TCF25: variants seen among roughly 807,000 people sequenced by gnomAD.
The protein encoded by TCF25 is TCF25 ribosome quality control complex subunit, also known as ribosome quality control complex subunit TCF25.
Under a neutral mutation model 83.1 loss-of-function variants are expected in TCF25, and 41 were observed. The ratio of observed to expected loss-of-function variants is 0.49; its 90% confidence interval spans 0.38 to 0.64. The LOEUF (loss-of-function observed/expected upper bound fraction) is 0.64. Among genes scored for constraint, TCF25 ranks in the 30% least tolerant of loss-of-function variants. The pLI is 0.00. For missense variants in TCF25, 979 were observed against 914.5 expected, an observed-to-expected ratio of 1.07 and a Z score of -0.91; for synonymous variants, 458 against 365.0, an observed-to-expected ratio of 1.25 and a Z score of -2.90.
intron 4 of TCF25, 131 bp from the exon 5 acceptor site, chr16:89,887,521 A>C (rs561318225): frequency 1.3e-6 from 1 of 752,842 alleles, no homozygotes; most frequent in East Asian, 3.6e-5. Flanking sequence ...ATTTTAGAGA[A>C]AGGCCTGGAA....
At chr16:89,885,076 GCCTGACGCCCTCTCCC>G (rs2042900630) in intron 3 of TCF25, among the ~76,000 whole-genome samples, 1 of 122,400 alleles carries the variant, frequency 8.2e-6, no homozygotes, top group African/African-American at 3.2e-5. Context: ...CTCTCCCTCT[GCCTGACGCCCTCTCCC>G]TCTGCCTGAC....
chr16:89,906,786 G>C (rs932061515), intron 15 of TCF25, among the ~76,000 whole-genome samples: 2 of 152,140 alleles, frequency 1.3e-5, no homozygotes, highest in African/African-American at 4.8e-5. Flanking sequence ...CTGCTCTGCG[G>C]GCCCTTATGA....
In TCF25 at chr16:89,911,013, G is replaced by A. The variant is rs2045507889; in HGVS notation, c.1873-67G>A. Reference sequence around the variant, plus strand: ...CACCTCGGGCTCCACAGTGCCTCCTGCTTGGGCCCCGGGCCCCTAGTCCCA... The same window carrying A: ...CACCTCGGGCTCCACAGTGCCTCCTACTTGGGCCCCGGGCCCCTAGTCCCA... On this transcript the variant is annotated intron_variant, in intron 17 of 17. Coordinates refer to ENST00000263346, the MANE Select transcript of TCF25 (RefSeq NM_014972.3). The A allele has an allele frequency of 1.9e-6, 3 of 1,592,074 alleles. No homozygotes were observed. In the South Asian group the frequency reaches 3.3e-5, roughly 18 times the overall value.
intron 13 of TCF25, 186 bp from the exon 14 acceptor site, chr16:89,904,752 G>C (rs1208548968): frequency 1.4e-6 from 1 of 737,172 alleles, no homozygotes; most frequent in Non-Finnish European, 2.4e-6. Context: ...TGCCCAACAG[G>C]CTCACGGCAC....
chr16:89,881,024 G>C (rs1055674834), intron 1 of TCF25, among the ~76,000 whole-genome samples: 6 of 152,184 alleles, frequency 3.9e-5, no homozygotes, highest in African/African-American at 7.2e-5. Flanking sequence ...TTTCAAGTTA[G>C]GGGCTCTGTT....
At chr16:89,879,312 TCA>T (rs2042431656) in intron 1 of TCF25, among the ~76,000 whole-genome samples, 1 of 147,282 alleles carries the variant, frequency 6.8e-6, no homozygotes, top group African/African-American at 2.6e-5. Flanking sequence ...TCAGAGCCTG[TCA>T]CACGTGCTGT....
At chr16:89,895,760 G>T in intron 8 of TCF25, among the ~76,000 whole-genome samples, 1 of 152,224 alleles carries the variant, frequency 6.6e-6, no homozygotes, top group Middle Eastern at 3.2e-3. Context: ...GGCAGCAGTT[G>T]TGCCTCATGG....
rs1567720176 is a variant in TCF25, at chr16:89,896,101, G to A, written c.1022+18G>A. ...GAGAACAGGTGAGTGCAGCTGCCCT[G>A]GAGGTGACGCAGCTCCCCTTCCCTT... is the stretch of plus-strand genomic sequence containing the variant. On this transcript the variant is annotated intron_variant, in intron 9 of 17. Coordinates refer to ENST00000263346, the MANE Select transcript of TCF25 (RefSeq NM_014972.3). 1 of 1,610,856 alleles carries A rather than the reference G, an allele frequency of 6.2e-7. No homozygotes were observed. Among genetic ancestry groups the A allele is most frequent in the South Asian group, 1.1e-5 (1 of 90,806 alleles).
At chr16:89,877,767 C>T (rs1267741969) in intron 1 of TCF25, among the ~76,000 whole-genome samples, 1 of 152,090 alleles carries the variant, frequency 6.6e-6, no homozygotes, top group Non-Finnish European at 1.5e-5. Context: ...AAGGGAAGGT[C>T]CAGGTACGTT....
chr16:89,910,367 C>T (rs1435930344), intron 16 of TCF25: 3 of 591,538 alleles, frequency 5.1e-6, no homozygotes, highest in Non-Finnish European at 9.0e-6. Flanking sequence ...GTTGGTCTCC[C>T]TCATCCTGTT....
intron 5 of TCF25, among the ~76,000 whole-genome samples, chr16:89,891,817 G>C (rs1364688654): frequency 1.3e-5 from 2 of 152,062 alleles, no homozygotes; most frequent in African/African-American, 4.8e-5. Context: ...CACAGGTGCA[G>C]GCCATCACGC....
intron 1 of TCF25, among the ~76,000 whole-genome samples, chr16:89,881,072 G>A (rs1475577598): frequency 2.0e-5 from 3 of 152,146 alleles, no homozygotes; most frequent in Non-Finnish European, 4.4e-5. Context: ...TTTTCTCAAC[G>A]GGCGTAAGTT....
At chr16:89,878,801 C>T (rs771933136) in intron 1 of TCF25, among the ~76,000 whole-genome samples, 27 of 152,110 alleles carry the variant, frequency 1.8e-4, no homozygotes, top group African/African-American at 3.4e-4. Context: ...CCACCACGCC[C>T]GGCAAGTTTT....
Position 89,873,636 on chromosome 16 carries a change from C to A in TCF25, c.-32C>A. 6.6e-7 allele frequency: 1 copy of A among 1,504,648 alleles called. No homozygotes were observed. 93.2% of individuals were successfully genotyped at this position (1,504,648 alleles called of 1,614,324 possible). A position where few individuals can be genotyped will look rare whatever the true frequency, so the allele number is the denominator to read the frequency against. On this transcript the variant is annotated 5_prime_UTR_variant, in exon 1 of 18. Coordinates refer to ENST00000263346, the MANE Select transcript of TCF25 (RefSeq NM_014972.3). ...GCCGAGTTTTCTGCGCTTCCTTCTCCCTCTCTCCAGACGTCGTGGTCGTTC... is the reference window on the plus strand; with the variant it reads ...GCCGAGTTTTCTGCGCTTCCTTCTCACTCTCTCCAGACGTCGTGGTCGTTC...
In TCF25 at chr16:89,883,482, A is replaced by G. The variant is rs1371926286; in HGVS notation, c.324A>G (p.Gly108=). The change falls in exon 2 of 18, where the codon GGA becomes GGG. Residue 108 remains glycine (G), a synonymous_variant. Coordinates refer to ENST00000263346, the MANE Select transcript of TCF25 (RefSeq NM_014972.3). Reference sequence around the variant, plus strand: ...GAAACACAGAGAGCAAGACGGATGGAGATGACACCGAGACAGTGCCCTCAG... The same window carrying G: ...GAAACACAGAGAGCAAGACGGATGGGGATGACACCGAGACAGTGCCCTCAG... ...QRGNTESKTD[G]DDTETVPSEQ... 3.7e-6 allele frequency: 6 copies of G among 1,611,652 alleles called. No homozygotes were observed. Among genetic ancestry groups the G allele is most frequent in the Non-Finnish European group, 5.1e-6 (6 of 1,179,194 alleles).
intron 1 of TCF25, among the ~76,000 whole-genome samples, chr16:89,876,120 G>A (rs1025010147): frequency 6.6e-6 from 1 of 152,028 alleles, no homozygotes; most frequent in Non-Finnish European, 1.5e-5. Flanking sequence ...AAACCCTTGT[G>A]GACTTTCTGG....
At chr16:89,906,328 A>T in intron 15 of TCF25, 44 bp downstream of exon 15, 2 of 1,588,246 alleles carry the variant, frequency 1.3e-6, no homozygotes, top group Non-Finnish European at 1.7e-6. Context: ...TAAGCCGGTC[A>T]CATGCACGTC....
Position 89,911,157 on chromosome 16 carries a change from C to A in TCF25, c.1950C>A (p.Arg650=). Residue 650 remains arginine (R), a synonymous_variant, in exon 18 of 18, where the codon CGC becomes CGA. Coordinates refer to ENST00000263346, the MANE Select transcript of TCF25 (RefSeq NM_014972.3). ...QGLNRLMLAV[R]DMMANFHLND... is the part of the protein sequence containing the mutation. Reference sequence around the variant, plus strand: ...TGAACAGGCTGATGCTGGCTGTGCGCGACATGATGGCCAACTTCCACCTCA... The same window carrying A: ...TGAACAGGCTGATGCTGGCTGTGCGAGACATGATGGCCAACTTCCACCTCA... 6.2e-7 allele frequency: 1 copy of A among 1,612,196 alleles called. No individual in the cohort carries two copies. The highest frequency in any genetic ancestry group is 8.5e-7 in the Non-Finnish European group (1 of 1,179,968).
intron 6 of TCF25, among the ~76,000 whole-genome samples, chr16:89,893,056 C>G (rs2043551722): frequency 1.3e-5 from 2 of 152,226 alleles, no homozygotes; most frequent in South Asian, 2.1e-4. Flanking sequence ...CCTTCCCTTC[C>G]TGGCAGGAAC....
Sources: gnomAD v4.1 joint callset for allele counts (sites outside exome capture counted in the v4.1 genomes callset) on GRCh38, gnomAD v4.1.1 for gene constraint, MANE v1.5 for transcripts, NCBI Gene and HGNC (gene_info 2026-07-23, HGNC 2026-07-21) for gene names.